YES1: variants seen among roughly 807,000 people sequenced by gnomAD.
YES1 encodes the protein tyrosine-protein kinase Yes.
YES1 carries 39 observed loss-of-function variants against 70.4 expected under a neutral mutation model. The observed-to-expected ratio is 0.55, with a 90% CI of 0.43 to 0.72. The LOEUF (loss-of-function observed/expected upper bound fraction) is 0.72. YES1 is among the 30% of genes least tolerant of loss of function. YES1 has a pLI of 0.00. For synonymous variants in YES1, 198 were observed against 218.6 expected (o/e 0.91, Z 0.83); for missense variants, 495 against 644.8 (o/e 0.77, Z 2.52).
At chr18:727,882 C>G (rs1393775766) in intron 11 of YES1, among the ~76,000 whole-genome samples, 2 of 152,160 alleles carry the variant, frequency 1.3e-5, no homozygotes, top group African/African-American at 4.8e-5. Context: ...AGTTAGCTGT[C>G]TGACTGTTGT....
chr18:787,041 C>T (rs1598935458), intron 1 of YES1, among the ~76,000 whole-genome samples: 1 of 141,314 alleles, frequency 7.1e-6, no homozygotes, highest in African/African-American at 2.6e-5. Flanking sequence ...GAAAAGATGG[C>T]CAAAATTATG....
intron 6 of YES1, among the ~76,000 whole-genome samples, chr18:745,442 A>G (rs1441399860): frequency 6.6e-6 from 1 of 152,212 alleles, no homozygotes; most frequent in African/African-American, 2.4e-5. Flanking sequence ...CATAAGGTAC[A>G]TGTGGTGAAA....
intron 8 of YES1, among the ~76,000 whole-genome samples, chr18:742,308 G>A (rs1277520906): frequency 1.3e-5 from 2 of 151,984 alleles, no homozygotes; most frequent in Non-Finnish European, 2.9e-5. Context: ...TAAGGAAAAT[G>A]AAGAAACTTC....
intron 10 of YES1, among the ~76,000 whole-genome samples, chr18:734,645 GAC>G (rs1220531424): frequency 6.6e-6 from 1 of 151,314 alleles, no homozygotes. Context: ...ACTACAGTGA[GAC>G]ACTACCTTAC....
chr18:757,200 C>T (rs1275012248), intron 1 of YES1, among the ~76,000 whole-genome samples: 1 of 152,210 alleles, frequency 6.6e-6, no homozygotes, highest in Admixed American at 6.5e-5. Flanking sequence ...CCTCTATGCA[C>T]TCCAGTTACT....
chr18:732,752 TC>T (rs1223778311), intron 11 of YES1, 81 bp downstream of exon 11: 2 of 1,577,670 alleles, frequency 1.3e-6, no homozygotes, highest in East Asian at 2.2e-5. Context: ...AAAGGCCTTT[TC>T]CCCGCTTACA....
Position 756,763 on chromosome 18 carries a change from G to A in YES1, c.65C>T (p.Pro22Leu). ...PAIKYRPENT[P>L]EPVSTSVSHY... Reference sequence around the variant, plus strand: ...GCTCACACTTGTACTGACAGGCTCTGGAGTATTTTCAGGTCTGTATTTAAT... The same window carrying A: ...GCTCACACTTGTACTGACAGGCTCTAGAGTATTTTCAGGTCTGTATTTAAT... The change falls in exon 2 of 12, where the codon CCA becomes CTA. Residue 22 changes from proline (P) to leucine (L), a missense_variant. Physicochemically the swap from Pro to Leu is moderately conservative, Grantham distance 98 (BLOSUM62 -3). Around this residue, in one of 2 missense-constraint regions of YES1, gnomAD observed 110 missense variants for 104.0 expected, o/e 1.06. Coordinates refer to ENST00000314574, the MANE Select transcript of YES1 (RefSeq NM_005433.4). The A allele has an allele frequency of 6.2e-7, 1 of 1,614,118 alleles. No homozygotes were observed. Among genetic ancestry groups the A allele is most frequent in the South Asian group, 1.1e-5 (1 of 91,082 alleles).
At chr18:744,689 CTTT>C (rs71174284) in intron 6 of YES1, among the ~76,000 whole-genome samples, 3 of 56,876 alleles carry the variant, frequency 5.3e-5, no homozygotes, top group African/African-American at 1.9e-4. Flanking sequence ...CACGCCTGGC[CTTT>C]TTTTTTTTTT....
intron 1 of YES1, among the ~76,000 whole-genome samples, chr18:778,345 T>C (rs1905488967): frequency 6.6e-6 from 1 of 152,230 alleles, no homozygotes. Context: ...CATGATAACA[T>C]TATTTACAGC....
intron 10 of YES1, among the ~76,000 whole-genome samples, chr18:734,277 A>G (rs2080125561): frequency 7.0e-6 from 1 of 143,534 alleles, no homozygotes; most frequent in Non-Finnish European, 1.5e-5. Context: ...AAACTTGGCC[A>G]GGCGCGGTGG....
intron 11 of YES1, among the ~76,000 whole-genome samples, 157 bp downstream of exon 11, chr18:732,657 GTCCAATGCCACAGTTACCCA>G (rs1197916381): frequency 6.6e-6 from 1 of 151,970 alleles, no homozygotes; most frequent in Non-Finnish European, 1.5e-5. Context: ...TGACTTACCC[GTCCAATGCCACAGTTACCCA>G]TCCAATGCCA....
intron 1 of YES1, among the ~76,000 whole-genome samples, chr18:786,604 A>G (rs1905960952): frequency 6.6e-6 from 1 of 151,972 alleles, no homozygotes; most frequent in Non-Finnish European, 1.5e-5. Context: ...TTAATACCAT[A>G]TCAGTTCAGG....
rs192943966 is a variant in YES1, at chr18:765,183, T to C, written c.-8-8348A>G. On this transcript the variant is annotated intron_variant, in intron 1 of 11. Transcript: ENST00000314574. The stretch of plus-strand genomic sequence containing the variant: ...AGCAACCATTAGAGTTGGGAATACC[T>C]CCATAGATACGAAAAGATAATCATC... Among the ~76,000 whole-genome samples the C allele has an allele frequency of 3.6e-3, 520 of 143,726 alleles. 4 individuals carry two copies. Among genetic ancestry groups the C allele is most frequent in the African/African-American group, 0.013 (490 of 39,054 alleles). 94.3% of individuals were successfully genotyped at this position (143,726 alleles called of 152,430 possible).
chr18:765,455 G>A (rs1321977730), intron 1 of YES1, among the ~76,000 whole-genome samples: 4 of 144,756 alleles, frequency 2.8e-5, no homozygotes, highest in Non-Finnish European at 6.0e-5. Context: ...CTGGAGTGTA[G>A]TGGCGTGATC....
chr18:734,270 C>A lies in YES1; in HGVS notation c.1292-1305G>T, dbSNP rs548469390. Among the ~76,000 whole-genome samples the A allele has an allele frequency of 2.7e-5, 4 of 147,652 alleles. No homozygotes were observed. In the East Asian group the frequency reaches 8.1e-4, roughly 30 times the overall value. ...CTCCAGTCTGGGCAAAAAAGCAAAA[C>A]TTGGCCAGGCGCGGTGGCTCACGCC... On this transcript the variant is annotated intron_variant, in intron 10 of 11. Coordinates refer to ENST00000314574, the MANE Select transcript of YES1 (RefSeq NM_005433.4).
At chr18:731,431 A>C (rs2145673951) in intron 11 of YES1, among the ~76,000 whole-genome samples, 1 of 152,302 alleles carries the variant, frequency 6.6e-6, no homozygotes, top group Admixed American at 6.5e-5. Context: ...GTGGGTGATA[A>C]AATTTGATGG....
intron 1 of YES1, among the ~76,000 whole-genome samples, chr18:791,688 C>A (rs553791530): frequency 6.6e-6 from 1 of 152,124 alleles, no homozygotes; most frequent in African/African-American, 2.4e-5. Flanking sequence ...CCTACTATAT[C>A]AAAAATGTTA....
chr18:807,320 T>G (rs1907148078), intron 1 of YES1, among the ~76,000 whole-genome samples: 3 of 134,402 alleles, frequency 2.2e-5, no homozygotes, highest in African/African-American at 5.7e-5. Flanking sequence ...GGCAGTAGAG[T>G]GATACTTCAT....
intron 1 of YES1, among the ~76,000 whole-genome samples, chr18:791,048 G>A (rs935106332): frequency 2.6e-5 from 4 of 152,026 alleles, no homozygotes; most frequent in Non-Finnish European, 4.4e-5. Context: ...TCAAGAGTTC[G>A]ATACCAGCCT....
Sources: allele counts gnomAD v4.1 joint callset (sites outside exome capture counted in the v4.1 genomes callset), GRCh38; gene constraint gnomAD v4.1.1; regional missense constraint gnomAD v4.1.1; transcripts MANE v1.5; gene names NCBI Gene and HGNC (gene_info 2026-07-23, HGNC 2026-07-21).